Variants in RAB11FIP1 observed in about 807,000 individuals in gnomAD.
RAB11FIP1 encodes RAB11 family interacting protein 1, also known as rab11 family-interacting protein 1.
Under a neutral mutation model 83.1 loss-of-function variants are expected in RAB11FIP1, and 49 were observed. That is an observed-to-expected ratio of 0.59 (90% CI 0.47 to 0.75). The LOEUF is 0.75. RAB11FIP1 is among the 30% of genes least tolerant of loss of function. The pLI is 0.00. For missense variants in RAB11FIP1, 1,536 were observed against 1,598.7 expected (o/e 0.96, Z 0.67); for synonymous variants, 670 against 656.0 (o/e 1.02, Z -0.33).
intron 5 of RAB11FIP1, among the ~76,000 whole-genome samples, chr8:37,864,088 G>A (rs1190643723): frequency 6.6e-6 from 1 of 152,212 alleles, no homozygotes. Flanking sequence ...CTTCATACTC[G>A]AGAAATATGC....
chr8:37,871,170 G>T (rs890621648), intron 4 of RAB11FIP1, 108 bp downstream of exon 4: 1 of 1,409,738 alleles, frequency 7.1e-7, no homozygotes, highest in Admixed American at 2.7e-5. Context: ...GTGACAGGTG[G>T]GTTGTCACAT....
intron 1 of RAB11FIP1, among the ~76,000 whole-genome samples, chr8:37,896,839 G>C (rs1807099242): frequency 6.6e-6 from 1 of 152,182 alleles, no homozygotes; most frequent in Non-Finnish European, 1.5e-5. Context: ...GCCCAACAAT[G>C]AGTCAGGGCT....
At chr8:37,877,599 A>G (rs1806644648) in intron 1 of RAB11FIP1, 48 bp from the exon 2 acceptor site, 4 of 1,244,416 alleles carry the variant, frequency 3.2e-6, no homozygotes, top group Non-Finnish European at 4.6e-6. Flanking sequence ...AAGCAACTGC[A>G]ACAATGTTCA....
At chr8:37,885,645 C>G (rs1421387647) in intron 1 of RAB11FIP1, among the ~76,000 whole-genome samples, 1 of 152,112 alleles carries the variant, frequency 6.6e-6, no homozygotes. Context: ...TAAGGGAACA[C>G]AGAAAAAGAA....
chr8:37,880,926 G>A (rs570470944), intron 1 of RAB11FIP1, among the ~76,000 whole-genome samples: 4 of 152,268 alleles, frequency 2.6e-5, no homozygotes, highest in South Asian at 4.1e-4. Flanking sequence ...ATTTAAGAGC[G>A]GAAGGTAGTG....
chr8:37,862,909 C>G lies in RAB11FIP1; in HGVS notation c.3838G>C (p.Ala1280Pro), dbSNP rs367740711. ...LRIPTQVGKK[A>P]GKM ...TTTCTGCTGATTTACATCTTTCCTG[C>G]TTTTTTGCCAACCTGAGTCGGGATG... The change falls in exon 6 of 6, where the codon GCA becomes CCA. Residue 1280 changes from alanine to proline, a missense_variant. Coordinates refer to ENST00000330843, the MANE Select transcript of RAB11FIP1 (RefSeq NM_001002814.3). 2 of 1,609,914 alleles carry G rather than the reference C, an allele frequency of 1.2e-6. No individual in the cohort carries two copies. Among genetic ancestry groups the G allele is most frequent in the African/African-American group, 2.7e-5 (2 of 74,662 alleles).
chr8:37,872,556 T>A lies in RAB11FIP1; in HGVS notation c.2246A>T (p.Asp749Val), dbSNP rs763551597. 6.2e-7 allele frequency: 1 copy of A among 1,614,194 alleles called. No homozygotes were observed. ...CCCAGCCTGACTCTCCAAGTCTCTG[T>A]CTCCTCCTGCTGCAAGCTCCCCAAC... ...SPVGELAAGG[D>V]RDLESQAGSL... Residue 749 changes from aspartate (D) to valine (V), a missense_variant, in exon 4 of 6, where the codon GAC (aspartate) becomes GTC (valine). Asp to Val is a radical substitution (Grantham distance 152, BLOSUM62 -3). Transcript: ENST00000330843.
chr8:37,885,688 C>T (rs2130179454), intron 1 of RAB11FIP1, among the ~76,000 whole-genome samples: 1 of 152,306 alleles, frequency 6.6e-6, no homozygotes, highest in African/African-American at 2.4e-5. Flanking sequence ...AAAACATGAG[C>T]CTGTGCCCAC....
chr8:37,897,876 A>C (rs1260655106), intron 1 of RAB11FIP1, among the ~76,000 whole-genome samples: 2 of 152,190 alleles, frequency 1.3e-5, no homozygotes, highest in African/African-American at 4.8e-5. Flanking sequence ...GGGGTTAGCA[A>C]GTCATGTGAC....
At chr8:37,894,661 C>T (rs1807021090) in intron 1 of RAB11FIP1, among the ~76,000 whole-genome samples, 1 of 148,130 alleles carries the variant, frequency 6.8e-6, no homozygotes, top group Non-Finnish European at 1.5e-5. Context: ...CTCTTAGTAT[C>T]CAAAAAGGTT....
Position 37,875,274 on chromosome 8 carries a change from T to C in RAB11FIP1, c.863A>G (p.Gln288Arg). 6.2e-7 allele frequency: 1 copy of C among 1,613,644 alleles called. No individual in the cohort carries two copies. Among genetic ancestry groups the C allele is most frequent in the Non-Finnish European group, 8.5e-7 (1 of 1,179,870 alleles). Residue 288 changes from glutamine (Q) to arginine (R), a missense_variant, in exon 3 of 6, where the codon CAG becomes CGG. Transcript: ENST00000330843. The stretch of plus-strand genomic sequence containing the variant: ...CTTCTTGGGAAGGGTAAAGTTGACC[T>C]GGTTCAGTTGCTTAAGATCCGTACT... ...TASTDLKQLN[Q>R]VNFTLPKKEG...
intron 5 of RAB11FIP1, among the ~76,000 whole-genome samples, chr8:37,867,155 G>T (rs1806356479): frequency 6.6e-6 from 1 of 152,128 alleles, no homozygotes; most frequent in East Asian, 1.9e-4. Context: ...AAGATGGATG[G>T]GAAGCTGCTG....
chr8:37,870,647 C>T, intron 4 of RAB11FIP1, 119 bp from the exon 5 acceptor site: 1 of 596,158 alleles, frequency 1.7e-6, no homozygotes. Context: ...ACATGCTGCC[C>T]TCATCTCTGG....
chr8:37,873,285 C>T (rs981323222), intron 3 of RAB11FIP1, 106 bp from the exon 4 acceptor site: 46 of 1,257,964 alleles, frequency 3.7e-5, no homozygotes, highest in East Asian at 4.9e-5. Flanking sequence ...CGTCTTTACA[C>T]GTGGGGCAGT....
At chr8:37,882,478 A>G (rs1370931653) in intron 1 of RAB11FIP1, among the ~76,000 whole-genome samples, 1 of 152,220 alleles carries the variant, frequency 6.6e-6, no homozygotes, top group Non-Finnish European at 1.5e-5. Flanking sequence ...TTAATCCTTT[A>G]TCACAAACCC....
intron 1 of RAB11FIP1, among the ~76,000 whole-genome samples, chr8:37,888,349 C>T (rs537303975): frequency 3.0e-4 from 46 of 152,282 alleles, no homozygotes; most frequent in Non-Finnish European, 6.0e-4. Context: ...TCAGGTGATC[C>T]GCCCCCTTTG....
chr8:37,871,179 A>G, intron 4 of RAB11FIP1, 99 bp downstream of exon 4: 5 of 1,469,764 alleles, frequency 3.4e-6, no homozygotes, highest in Non-Finnish European at 4.5e-6. Context: ...GGGTTGTCAC[A>G]TCAGACGTCT....
At chr8:37,866,912 GAGATGTGTTGC>G (rs570495350) in intron 5 of RAB11FIP1, among the ~76,000 whole-genome samples, 339 of 152,328 alleles carry the variant, frequency 2.2e-3, no homozygotes, top group African/African-American at 7.9e-3. Flanking sequence ...CCAGAACCAA[GAGATGTGTTGC>G]AGGCAGGCAG....
intron 1 of RAB11FIP1, among the ~76,000 whole-genome samples, chr8:37,881,750 G>A (rs558864431): frequency 5.9e-5 from 9 of 152,156 alleles, no homozygotes; most frequent in African/African-American, 1.7e-4. Flanking sequence ...AGGCTGGAGT[G>A]CAGTGGTGCG....
Sources: gnomAD v4.1 joint callset for allele counts (sites outside exome capture counted in the v4.1 genomes callset) on GRCh38, gnomAD v4.1.1 for gene constraint, MANE v1.5 for transcripts, NCBI Gene and HGNC (gene_info 2026-07-23, HGNC 2026-07-21) for gene names.